The following VWA3A variants were observed in gnomAD, a reference collection of about 807,000 sequenced individuals.
VWA3A encodes von Willebrand factor A domain-containing protein 3A.
VWA3A carries 134 observed loss-of-function variants against 160.4 expected under a neutral mutation model. The observed-to-expected ratio is 0.84, with a 90% confidence interval of 0.73 to 0.96. The LOEUF is 0.96. Among genes scored for constraint, VWA3A ranks in the 40% least tolerant of loss-of-function variants. The pLI, the probability that VWA3A is intolerant of heterozygous loss-of-function variation, is 0.00. For synonymous variants in VWA3A, 476 were observed against 543.4 expected, an observed-to-expected ratio of 0.88 and a Z score of 1.72; for missense variants, 1,310 against 1,447.9, an observed-to-expected ratio of 0.90 and a Z score of 1.55.
intron 16 of VWA3A, among the ~76,000 whole-genome samples, chr16:22,125,406 G>GTGTTT (rs112076824): frequency 0.023 from 3,420 of 149,088 alleles, 70 homozygotes; most frequent in African/African-American, 0.057. Flanking sequence ...TTTGTTGTGT[G>GTGTTT]TGTTTTGTTT....
intron 29 of VWA3A, 107 bp downstream of exon 29, chr16:22,150,038 CA>C: frequency 5.8e-6 from 8 of 1,377,354 alleles, no homozygotes; most frequent in Non-Finnish European, 7.8e-6. Flanking sequence ...TTATAATTTA[CA>C]AAGCACTACA....
In VWA3A at chr16:22,132,881, A is replaced by G. The variant is rs1015636532; in HGVS notation, c.1873-19A>G. The G allele has an allele frequency of 1.9e-6, 3 of 1,603,728 alleles. No homozygotes were observed. The highest frequency in any genetic ancestry group is 2.7e-5 in the African/African-American group (2 of 74,622). On this transcript the variant is annotated intron_variant, in intron 19 of 33. Coordinates refer to ENST00000389398, the MANE Select transcript of VWA3A (RefSeq NM_173615.5). ...AGGCCCTCAGCTGCTGGCCCCTCCT[A>G]CCTTCTCTTCCCCACCAGCCTACAC...
chr16:22,136,184 G>A (rs1210829369), intron 21 of VWA3A, among the ~76,000 whole-genome samples: 1 of 152,196 alleles, frequency 6.6e-6, no homozygotes, highest in Admixed American at 6.5e-5. Context: ...GCCAGATCCC[G>A]TGAGGAGCAA....
rs766204733 is a variant in VWA3A, at chr16:22,156,078, G to A, written c.*61G>A. 1.2e-5 allele frequency: 9 copies of A among 737,992 alleles called. No homozygotes were observed. The highest frequency in any genetic ancestry group is 5.7e-5 in the Admixed American group (2 of 34,982). 45.7% of individuals were successfully genotyped at this position (737,992 alleles called of 1,614,324 possible). On this transcript the variant is annotated 3_prime_UTR_variant, in exon 34 of 34. Coordinates refer to ENST00000389398, the MANE Select transcript of VWA3A (RefSeq NM_173615.5). The stretch of plus-strand genomic sequence containing the variant: ...CACTCACTGAGCAAATCTCAGCCCC[G>A]AGGGCAGGATGGGATGAAATGCTGT...
In VWA3A at chr16:22,138,494, C is replaced by T; in HGVS notation, c.2274C>T (p.Val758=). ...AGCTCTGCCCTCCCAGGCCCACCGTCCCCCTGGGGGCCAGAATGGTTTGAC... is the reference window on the plus strand; with the variant it reads ...AGCTCTGCCCTCCCAGGCCCACCGTTCCCCTGGGGGCCAGAATGGTTTGAC... The part of the protein sequence containing the change: ...PKKLCPPRPT[V]PLGARMSIKD... Residue 758 remains valine, a synonymous_variant, in exon 22 of 34, where the codon GTC becomes GTT. Transcript: ENST00000389398. 1.2e-6 allele frequency: 2 copies of T among 1,613,938 alleles called. No individual in the cohort carries two copies. Among genetic ancestry groups the T allele is most frequent in the East Asian group, 2.2e-5 (1 of 44,886 alleles).
chr16:22,149,370 C>G (rs147546727), intron 28 of VWA3A, among the ~76,000 whole-genome samples: 2 of 152,252 alleles, frequency 1.3e-5, no homozygotes, highest in African/African-American at 4.8e-5. Flanking sequence ...TCCCAAGTAG[C>G]TTGGACTACA....
intron 16 of VWA3A, among the ~76,000 whole-genome samples, chr16:22,123,990 C>G (rs2045794638): frequency 6.6e-6 from 1 of 151,930 alleles, no homozygotes; most frequent in Admixed American, 6.6e-5. Flanking sequence ...GACTGGGCAA[C>G]ATAGTGAGAC....
chr16:22,132,921 G>A lies in VWA3A; in HGVS notation c.1894G>A (p.Ala632Thr), dbSNP rs2045973868. ...CCAGCCTACACTCAGTGCCTACATG[G>A]CTGAGGCCTGTGGCGGCTGCGACCT... ...QDMPTLSAYM[A>T]EACGGCDLQL... Residue 632 changes from alanine to threonine, a missense_variant, in exon 20 of 34, where the codon GCT (alanine) becomes ACT (threonine). By Grantham distance (58) the Ala-to-Thr change is moderately conservative. Coordinates refer to ENST00000389398, the MANE Select transcript of VWA3A (RefSeq NM_173615.5). 6.2e-7 allele frequency: 1 copy of A among 1,613,496 alleles called. No individual in the cohort carries two copies. Among genetic ancestry groups the A allele is most frequent in the Admixed American group, 1.7e-5 (1 of 59,990 alleles).
intron 3 of VWA3A, among the ~76,000 whole-genome samples, chr16:22,099,507 A>G (rs921937381): frequency 1.3e-5 from 2 of 152,242 alleles, no homozygotes; most frequent in African/African-American, 4.8e-5. Context: ...GGGTTATCAT[A>G]ATGGAACCCA....
intron 6 of VWA3A, among the ~76,000 whole-genome samples, chr16:22,106,079 G>A (rs534688128): frequency 3.9e-5 from 6 of 152,256 alleles, no homozygotes; most frequent in African/African-American, 1.4e-4. Flanking sequence ...GGGTGGAACA[G>A]GACTATTTAA....
Position 22,150,800 on chromosome 16 carries a change from A to T in VWA3A, c.3235A>T (p.Lys1079Ter). Reference sequence around the variant, plus strand: ...AAATGAAGTCCAAAAACTCAGGGAGAAAAGAGATGTGAAAGTGCACACCAT... The same window carrying T: ...AAATGAAGTCCAAAAACTCAGGGAGTAAAGAGATGTGAAAGTGCACACCAT... ...VLNEVQKLRE[K>*]RDVKVHTISL... is the part of the protein sequence containing the mutation. The change falls in exon 30 of 34, where the codon AAA becomes TAA. Residue 1079 changes from lysine (K) to a stop codon, truncating the protein, a stop_gained. Transcript: ENST00000389398. LOFTEE classifies it high-confidence loss of function. 6.2e-7 allele frequency: 1 copy of T among 1,613,632 alleles called. No homozygotes were observed. Among genetic ancestry groups the T allele is most frequent in the Non-Finnish European group, 8.5e-7 (1 of 1,179,762 alleles).
intron 5 of VWA3A, 105 bp from the exon 6 acceptor site, chr16:22,103,370 T>TA (rs879745670): frequency 0.13 from 107,216 of 804,638 alleles, 9 homozygotes; most frequent in South Asian, 0.18. Flanking sequence ...CTATGCACAT[T>TA]AAAAAAAAAA....
intron 8 of VWA3A, among the ~76,000 whole-genome samples, chr16:22,112,879 G>C (rs1003739202): frequency 1.3e-5 from 2 of 152,234 alleles, no homozygotes; most frequent in Non-Finnish European, 2.9e-5. Flanking sequence ...TCACTACTGG[G>C]TGGTCTTGAC....
At chr16:22,121,251 A>C in intron 13 of VWA3A, 148 bp downstream of exon 13, 5 of 1,189,332 alleles carry the variant, frequency 4.2e-6, no homozygotes, top group Non-Finnish European at 5.9e-6. Context: ...TATGAGACCA[A>C]CCTAGGCAAC....
chr16:22,101,739 T>C (rs1373219750), intron 5 of VWA3A, among the ~76,000 whole-genome samples: 1 of 152,224 alleles, frequency 6.6e-6, no homozygotes, highest in African/African-American at 2.4e-5. Flanking sequence ...CTGTAGAATT[T>C]ATAGTAACTT....
rs199942653 is a variant in VWA3A at position 22,131,710 on chromosome 16, G to C, written c.1853G>C (p.Gly618Ala). The C allele has an allele frequency of 6.2e-7, 1 of 1,613,702 alleles. No homozygotes were observed. The highest frequency in any genetic ancestry group is 8.5e-7 in the Non-Finnish European group (1 of 1,179,728). ...CAGGGAATCTACCTCTTCACTGGGG[G>C]CATCCCCGACCAGGACATGGTGGGT... ...QSQGIYLFTG[G>A]IPDQDMPTLS... Residue 618 changes from glycine to alanine, a missense_variant, in exon 19 of 34, where the codon GGC becomes GCC. By Grantham distance (60) the Gly-to-Ala change is moderately conservative (BLOSUM62 0). Coordinates refer to ENST00000389398, the MANE Select transcript of VWA3A (RefSeq NM_173615.5).
chr16:22,103,498 G>C lies in VWA3A; in HGVS notation c.452G>C (p.Arg151Thr). 6 of 1,551,916 alleles carry C rather than the reference G, an allele frequency of 3.9e-6. No homozygotes were observed. Among genetic ancestry groups the C allele is most frequent in the Non-Finnish European group, 5.2e-6 (6 of 1,147,030 alleles). Reference sequence around the variant, plus strand: ...AGCACTATTGAAGTCTATCAAGAGAGAATTCAGTGGCTCACAGAAAACAGC... The same window carrying C: ...AGCACTATTGAAGTCTATCAAGAGACAATTCAGTGGCTCACAGAAAACAGC... ...LSDTIEVYQE[R>T]IQWLTENSKK... Residue 151 changes from arginine to threonine, a missense_variant, in exon 6 of 34, where the codon AGA (arginine) becomes ACA (threonine). By Grantham distance (71) the Arg-to-Thr change is moderately conservative (BLOSUM62 -1). Coordinates refer to ENST00000389398, the MANE Select transcript of VWA3A (RefSeq NM_173615.5).
chr16:22,119,457 G>A (rs565188950), intron 12 of VWA3A, among the ~76,000 whole-genome samples: 1 of 152,192 alleles, frequency 6.6e-6, no homozygotes, highest in Non-Finnish European at 1.5e-5. Flanking sequence ...AATCGCTTGA[G>A]TCCAGGCATT....
chr16:22,138,776 T>C (rs983345844), intron 22 of VWA3A, among the ~76,000 whole-genome samples: 8 of 151,968 alleles, frequency 5.3e-5, no homozygotes, highest in Admixed American at 1.3e-4. Flanking sequence ...ACCCTGGTAC[T>C]GAGGATGCCA....
Sources: gnomAD v4.1 joint callset for allele counts (sites outside exome capture counted in the v4.1 genomes callset) on GRCh38, gnomAD v4.1.1 for gene constraint, MANE v1.5 for transcripts, NCBI Gene and HGNC (gene_info 2026-07-23, HGNC 2026-07-21) for gene names.